ZNF197: variants seen among roughly 807,000 people sequenced by gnomAD.
ZNF197 encodes the protein zinc finger protein 197.
Under a neutral mutation model 27.4 loss-of-function variants are expected in ZNF197, and 14 were observed. The ratio of observed to expected loss-of-function variants is 0.51; its 90% CI spans 0.34 to 0.80. The LOEUF (loss-of-function observed/expected upper bound fraction) is 0.80, where lower values mean the gene tolerates loss of function less well. ZNF197 is among the 30% of genes least tolerant of loss of function. The pLI is 0.02. For missense variants in ZNF197, 1,090 were observed against 1,222.6 expected (o/e 0.89, Z 1.62); for synonymous variants, 415 against 420.0 (o/e 0.99, Z 0.15).
chr3:44,637,950 C>G (rs1046869761), intron 5 of ZNF197, among the ~76,000 whole-genome samples: 50 of 152,312 alleles, frequency 3.3e-4, no homozygotes, highest in Admixed American at 1.9e-3. Context: ...GGTCTCTTGA[C>G]TTTCCATCTA....
At chr3:44,627,856 C>T (rs894125120) in intron 1 of ZNF197, among the ~76,000 whole-genome samples, 1 of 150,606 alleles carries the variant, frequency 6.6e-6, no homozygotes, top group Non-Finnish European at 1.5e-5. Context: ...AAGAAATTTC[C>T]TTTCATGAAT....
In ZNF197 at chr3:44,646,574, G is replaced by C. The variant is rs1267684876; in HGVS notation, c.*2354G>C. 1 of 1,005,990 alleles carries C rather than the reference G, an allele frequency of 9.9e-7. No homozygotes were observed. Among genetic ancestry groups the C allele is most frequent in the Admixed American group, 1.7e-5 (1 of 58,504 alleles). The allele number at this position is 1,005,990 out of a possible 1,614,324, so 62.3% of individuals were successfully genotyped here. A position where few individuals can be genotyped will look rare whatever the true frequency, so the allele number is the denominator to read the frequency against. ...ATCCAGAACGTGGAATATTGCATAA[G>C]AAAGCTGCCCTGGATTCTTCAAAAT... On this transcript the variant is annotated 3_prime_UTR_variant, in exon 6 of 6. Coordinates refer to ENST00000344387, the MANE Select transcript of ZNF197 (RefSeq NM_006991.5).
Position 44,644,888 on chromosome 3 carries a change from AATTT to A in ZNF197, c.*670_*673del, listed in dbSNP as rs1322427254. On this transcript the variant is annotated 3_prime_UTR_variant, in exon 6 of 6. Coordinates refer to ENST00000344387, the MANE Select transcript of ZNF197 (RefSeq NM_006991.5). Reference sequence around the variant, plus strand: ...AAATAAATTTATTAATAAAACTAAAAATTTAATAATAAAAAGTGGACATTGTTTT... The same window carrying A: ...AAATAAATTTATTAATAAAACTAAAAAATAATAAAAAGTGGACATTGTTTT... 2 of 971,564 alleles carry A rather than the reference AATTT, an allele frequency of 2.1e-6. No homozygotes were observed. Among genetic ancestry groups the A allele is most frequent in the Non-Finnish European group, 2.4e-6 (2 of 817,482 alleles). 60.2% of individuals were successfully genotyped at this position (971,564 alleles called of 1,614,324 possible).
chr3:44,638,971 G>A (rs1306948634), intron 5 of ZNF197, among the ~76,000 whole-genome samples: 1 of 152,188 alleles, frequency 6.6e-6, no homozygotes, highest in African/African-American at 2.4e-5. Flanking sequence ...ACCTTGGCTT[G>A]CCAAAGCACT....
At position 44,640,372 on chromosome 3, in the gene ZNF197, TTTGTTTTGTTC is replaced by T. The variant is rs1702532444; in HGVS notation, c.770-1517_770-1507del. On this transcript the variant is annotated intron_variant, in intron 5 of 5. Coordinates refer to ENST00000344387, the MANE Select transcript of ZNF197 (RefSeq NM_006991.5). This position sits in a 1 kb window ranked among gnomAD's most constrained non-coding sequence, Gnocchi z 4.0. ...CCATCAGCATTCTCTTTGTTTTTTG[TTTGTTTTGTTC>T]TTGTTTTGTTTTGAGATGGAGTCTT... Among the ~76,000 whole-genome samples the T allele has an allele frequency of 6.6e-6, 1 of 152,090 alleles. No homozygotes were observed. The highest frequency in any genetic ancestry group is 2.1e-4 in the South Asian group (1 of 4,822).
chr3:44,644,393 C>T lies in ZNF197; in HGVS notation c.*173C>T. On this transcript the variant is annotated 3_prime_UTR_variant, in exon 6 of 6. Transcript: ENST00000344387. ...GTGGCTCATGCCTGTAATCCCAGCA[C>T]TTTGAGAGGCCGAAGCGAGTGGATC... is the stretch of plus-strand genomic sequence containing the variant. 1 of 1,360,048 alleles carries T rather than the reference C, an allele frequency of 7.4e-7. No homozygotes were observed. The highest frequency in any genetic ancestry group is 9.4e-7 in the Non-Finnish European group (1 of 1,060,510). The allele number at this position is 1,360,048 out of a possible 1,614,324, so 84.2% of individuals were successfully genotyped here.
At chr3:44,641,663 A>G (rs1003006524) in intron 5 of ZNF197, among the ~76,000 whole-genome samples, 18 of 152,176 alleles carry the variant, frequency 1.2e-4, no homozygotes, top group Admixed American at 7.9e-4. Flanking sequence ...GTATTTTTCT[A>G]TCTGCTTCCT....
chr3:44,630,020 C>T (rs1701894410), intron 2 of ZNF197, among the ~76,000 whole-genome samples: 1 of 151,910 alleles, frequency 6.6e-6, no homozygotes, highest in Non-Finnish European at 1.5e-5. Flanking sequence ...AGTTCAAGAC[C>T]AGCCTGGACA....
In ZNF197 at chr3:44,642,310, G is replaced by A. The variant is rs769866425; in HGVS notation, c.1180G>A (p.Gly394Ser). The A allele has an allele frequency of 2.6e-5, 42 of 1,614,012 alleles. No individual in the cohort carries two copies. Among genetic ancestry groups the A allele is most frequent in the Non-Finnish European group, 3.5e-5 (41 of 1,180,032 alleles). ...TATAAACCATCGGAGAATCCACACT[G>A]GTGAGAAACCTCATAAATGTAAGGA... ...HLINHRRIHT[G>S]EKPHKCKECG... The change falls in exon 6 of 6, where the codon GGT becomes AGT. Residue 394 changes from glycine to serine, a missense_variant. By Grantham distance (56) the Gly-to-Ser change is moderately conservative. Coordinates refer to ENST00000344387, the MANE Select transcript of ZNF197 (RefSeq NM_006991.5).
chr3:44,637,144 C>A (rs938509959), intron 5 of ZNF197, among the ~76,000 whole-genome samples: 1 of 151,952 alleles, frequency 6.6e-6, no homozygotes, highest in Non-Finnish European at 1.5e-5. Flanking sequence ...TATTTTCTCC[C>A]ATTCTGTGGG....
chr3:44,636,461 A>T (rs1258293881), intron 5 of ZNF197, among the ~76,000 whole-genome samples: 2 of 152,220 alleles, frequency 1.3e-5, no homozygotes, highest in African/African-American at 4.8e-5. Context: ...GAAACATTTC[A>T]TATAAATGGA....
chr3:44,632,313 G>C, intron 4 of ZNF197, 117 bp downstream of exon 4: 10 of 1,500,384 alleles, frequency 6.7e-6, no homozygotes, highest in Non-Finnish European at 9.2e-6. Context: ...CAGGGTCTAT[G>C]CTATTGGAAG....
At position 44,629,502 on chromosome 3, in the gene ZNF197, G is replaced by A. The variant is rs556549113; in HGVS notation, c.348G>A (p.Leu116=). The A allele has an allele frequency of 1.9e-5, 30 of 1,588,638 alleles. No homozygotes were observed. The highest frequency in any genetic ancestry group is 2.6e-5 in the Non-Finnish European group (30 of 1,169,462). The change falls in exon 2 of 6, where the codon CTG becomes CTA. Residue 116 remains leucine, a synonymous_variant. Transcript: ENST00000344387. ...HPGSGEEAVA[L]VEELQKDLDG... Reference sequence around the variant, plus strand: ...GAAGTGGCGAGGAGGCTGTGGCCCTGGTAGAGGAGCTGCAGAAAGACCTTG... The same window carrying A: ...GAAGTGGCGAGGAGGCTGTGGCCCTAGTAGAGGAGCTGCAGAAAGACCTTG...
At position 44,637,615 on chromosome 3, in the gene ZNF197, A is replaced by G. The variant is rs1184103922; in HGVS notation, c.770-4285A>G. ...TTTAGCTCTTACATTTCGGTCTTTT[A>G]TCCATTTTGAGTTAATTTTTTTATA... On this transcript the variant is annotated intron_variant, in intron 5 of 5. Transcript: ENST00000344387. Among the ~76,000 whole-genome samples the G allele has an allele frequency of 2.0e-5, 3 of 151,762 alleles. No individual in the cohort carries two copies. In the East Asian group the frequency reaches 5.8e-4, roughly 29 times the overall value.
chr3:44,630,799 T>A, intron 2 of ZNF197: 1 of 622,908 alleles, frequency 1.6e-6, no homozygotes, highest in Middle Eastern at 2.5e-4. Context: ...CATTCCCTCC[T>A]TAACCCACAC....
At position 44,644,500 on chromosome 3, in the gene ZNF197, T is replaced by C. The variant is rs1159901338; in HGVS notation, c.*280T>C. ...CTAAAATACAAAAATTATCCGGGCA[T>C]GGGGGCACACACCGGTAATCCCAGC... On this transcript the variant is annotated 3_prime_UTR_variant, in exon 6 of 6. Transcript: ENST00000344387. 1.2e-6 allele frequency: 1 copy of C among 827,260 alleles called. No homozygotes were observed. Among genetic ancestry groups the C allele is most frequent in the African/African-American group, 1.8e-5 (1 of 54,336 alleles). 51.2% of individuals were successfully genotyped at this position (827,260 alleles called of 1,614,324 possible).
intron 5 of ZNF197, among the ~76,000 whole-genome samples, chr3:44,632,819 A>AGTGT (rs111907137): frequency 1.4e-4 from 21 of 150,480 alleles, no homozygotes; most frequent in African/African-American, 1.7e-4. Context: ...ATTGTTCCAA[A>AGTGT]GTGTGTGTGT....
chr3:44,646,360 T>A lies in ZNF197; in HGVS notation c.*2140T>A. On this transcript the variant is annotated 3_prime_UTR_variant, in exon 6 of 6. Transcript: ENST00000344387. ...ACAATGGAGAATGCTGTGATTTACCTCTTCACCGAGTAACAAAATGTCACA... is the reference window on the plus strand; with the variant it reads ...ACAATGGAGAATGCTGTGATTTACCACTTCACCGAGTAACAAAATGTCACA... The A allele has an allele frequency of 6.5e-7, 1 of 1,533,032 alleles. No homozygotes were observed. The highest frequency in any genetic ancestry group is 1.7e-4 in the Middle Eastern group (1 of 5,736). 95.0% of individuals were successfully genotyped at this position (1,533,032 alleles called of 1,614,324 possible).
intron 5 of ZNF197, 139 bp from the exon 6 acceptor site, chr3:44,641,759 ACC>A: frequency 2.1e-6 from 2 of 958,408 alleles, no homozygotes; most frequent in South Asian, 1.9e-5. Context: ...TATTCTTTGT[ACC>A]TTCCTTTAAT....
Sources: gnomAD v4.1 joint callset for allele counts (sites outside exome capture counted in the v4.1 genomes callset) on GRCh38, gnomAD v4.1.1 for gene constraint, Gnocchi (gnomAD v3.1) non-coding constraint, MANE v1.5 for transcripts, NCBI Gene and HGNC (gene_info 2026-07-23, HGNC 2026-07-21) for gene names.